Variants in LPAR3 observed in about 807,000 individuals in gnomAD.
LPAR3 encodes lysophosphatidic acid receptor 3, also known as LPA receptor 3.
Under a neutral mutation model 17.8 loss-of-function variants are expected in LPAR3, and 7 were observed. The ratio of observed to expected loss-of-function variants is 0.39; its 90% CI spans 0.22 to 0.74. LPAR3 has a LOEUF of 0.74. LPAR3 is among the 30% of genes least tolerant of loss of function. The pLI is 0.40. For missense variants in LPAR3, 391 were observed against 453.4 expected (o/e 0.86, Z 1.25); for synonymous variants, 179 against 179.9 (o/e 0.99, Z 0.04).
chr1:84,843,827 C>T (rs541155159), intron 2 of LPAR3, among the ~76,000 whole-genome samples: 2 of 152,344 alleles, frequency 1.3e-5, no homozygotes, highest in Non-Finnish European at 2.9e-5. Flanking sequence ...CTTTCTCAGG[C>T]CTTTTGCATC....
intron 1 of LPAR3, among the ~76,000 whole-genome samples, chr1:84,880,964 GC>G (rs1660353926): frequency 6.6e-6 from 1 of 152,200 alleles, no homozygotes; most frequent in Non-Finnish European, 1.5e-5. Flanking sequence ...AATAATTCCT[GC>G]CCAGCAGGGT....
At chr1:84,866,248 G>A in intron 1 of LPAR3, 110 bp from the exon 2 acceptor site, 1 of 774,738 alleles carries the variant, frequency 1.3e-6, no homozygotes, top group Non-Finnish European at 2.1e-6. Context: ...GGGAGTTGAA[G>A]ACCTGAAGTG....
intron 2 of LPAR3, among the ~76,000 whole-genome samples, chr1:84,843,401 C>G (rs1262249755): frequency 6.6e-6 from 1 of 152,190 alleles, no homozygotes; most frequent in Non-Finnish European, 1.5e-5. Context: ...GTGATTTCTT[C>G]TCTCCAATGG....
At chr1:84,869,512 C>A (rs1042167157) in intron 1 of LPAR3, among the ~76,000 whole-genome samples, 3 of 151,832 alleles carry the variant, frequency 2.0e-5, no homozygotes, top group African/African-American at 4.8e-5. Flanking sequence ...TATGAAGTTG[C>A]GGTAATACAA....
intron 2 of LPAR3, among the ~76,000 whole-genome samples, chr1:84,853,835 G>A (rs1445214893): frequency 2.0e-5 from 3 of 152,156 alleles, no homozygotes; most frequent in East Asian, 1.9e-4. Context: ...TCCTACATGG[G>A]CTCTTTCTTG....
At chr1:84,872,006 A>G (rs963916533) in intron 1 of LPAR3, among the ~76,000 whole-genome samples, 3 of 152,116 alleles carry the variant, frequency 2.0e-5, no homozygotes, top group African/African-American at 7.2e-5. Flanking sequence ...GCTACGGTCT[A>G]TCTCCCCAAC....
At chr1:84,868,267 G>GC (rs1300252993) in intron 1 of LPAR3, among the ~76,000 whole-genome samples, 1 of 152,112 alleles carries the variant, frequency 6.6e-6, no homozygotes, top group Non-Finnish European at 1.5e-5. Context: ...ATGCCAGCAC[G>GC]CCCGGCTAAT....
intron 2 of LPAR3, among the ~76,000 whole-genome samples, chr1:84,839,013 G>C (rs1659454441): frequency 6.6e-6 from 1 of 152,168 alleles, no homozygotes; most frequent in Non-Finnish European, 1.5e-5. Flanking sequence ...TCTGTTTCAT[G>C]AAAATGGTAA....
chr1:84,846,340 T>C (rs2102756687), intron 2 of LPAR3, among the ~76,000 whole-genome samples: 1 of 152,308 alleles, frequency 6.6e-6, no homozygotes, highest in Admixed American at 6.5e-5. Context: ...CAAAACACAA[T>C]ATTGCAGAAC....
chr1:84,865,501 A>G lies in LPAR3; in HGVS notation c.620T>C (p.Leu207Pro). ...MAFLIMVVVY[L>P]RIYVYVKRKT... ...CCTCTTGACGTACACGTAGATCCGC[A>G]GGTACACCACAACCATGATGAGGAA... The change falls in exon 2 of 3, where the codon CTG (leucine) becomes CCG (proline). Residue 207 changes from leucine (L) to proline (P), a missense_variant. Leu to Pro is a moderately conservative substitution (Grantham distance 98). Transcript: ENST00000370611. 1 of 1,614,210 alleles carries G rather than the reference A, an allele frequency of 6.2e-7. No homozygotes were observed. Among genetic ancestry groups the G allele is most frequent in the Non-Finnish European group, 8.5e-7 (1 of 1,180,046 alleles).
chr1:84,817,196 G>GT (rs1553146244), intron 2 of LPAR3, among the ~76,000 whole-genome samples: 1 of 150,342 alleles, frequency 6.7e-6, no homozygotes, highest in African/African-American at 2.5e-5. Flanking sequence ...ATTCCTTTTA[G>GT]TTTTTTTCTT....
intron 2 of LPAR3, among the ~76,000 whole-genome samples, chr1:84,862,196 T>C (rs547165782): frequency 2.0e-4 from 31 of 152,306 alleles, no homozygotes; most frequent in African/African-American, 7.5e-4. Context: ...AATACCAAAG[T>C]TCATTCTTTA....
intron 1 of LPAR3, among the ~76,000 whole-genome samples, chr1:84,875,883 C>T (rs1021655348): frequency 2.6e-5 from 4 of 152,136 alleles, no homozygotes; most frequent in Admixed American, 2.6e-4. Context: ...ATGGTTTGTT[C>T]CAAATAATCC....
At chr1:84,835,581 G>C (rs1659386888) in intron 2 of LPAR3, among the ~76,000 whole-genome samples, 1 of 152,082 alleles carries the variant, frequency 6.6e-6, no homozygotes, top group African/African-American at 2.4e-5. Flanking sequence ...TTTAGATCTG[G>C]AACCTCCTAC....
chr1:84,874,477 G>A (rs1440142452), intron 1 of LPAR3, among the ~76,000 whole-genome samples: 1 of 152,172 alleles, frequency 6.6e-6, no homozygotes, highest in African/African-American at 2.4e-5. Flanking sequence ...TAGAATCAAA[G>A]ATATTGTTCC....
In LPAR3 at chr1:84,831,831, C is replaced by CATATAT. The variant is rs60387583; in HGVS notation, c.737-17666_737-17661dup. Among the ~76,000 whole-genome samples the CATATAT allele has an allele frequency of 7.3e-3, 1,064 of 146,748 alleles. 7 individuals are homozygous for CATATAT. The highest frequency in any genetic ancestry group is 0.013 in the South Asian group (61 of 4,688). The stretch of plus-strand genomic sequence containing the variant: ...AACAGTTTCTTTGGGTAAACTGTAT[C>CATATAT]ATATATATATATATAATATACATAT... On this transcript the variant is annotated intron_variant, in intron 2 of 2. Coordinates refer to ENST00000370611, the MANE Select transcript of LPAR3 (RefSeq NM_012152.3).
chr1:84,814,098 G>T lies in LPAR3; in HGVS notation c.810C>A (p.Gly270=). 1.2e-6 allele frequency: 2 copies of T among 1,614,140 alleles called. No homozygotes were observed. Among genetic ancestry groups the T allele is most frequent in the Non-Finnish European group, 1.7e-6 (2 of 1,180,044 alleles). The change falls in exon 3 of 3, where the codon GGC becomes GGA. Residue 270 remains glycine (G), a synonymous_variant. Transcript: ENST00000370611. ...LLDGLNCRQC[G]VQHVKRWFLL... ...GGAACCACCTTTTCACATGCTGCACGCCACACTGCCTGCAGTTCAGGCCGT... is the reference window on the plus strand; with the variant it reads ...GGAACCACCTTTTCACATGCTGCACTCCACACTGCCTGCAGTTCAGGCCGT...
At chr1:84,892,740 C>T (rs1660576017) in intron 1 of LPAR3, among the ~76,000 whole-genome samples, 2 of 152,256 alleles carry the variant, frequency 1.3e-5, no homozygotes, top group African/African-American at 4.8e-5. Context: ...GCCCGCCAGC[C>T]CTCAGCAGCG....
At chr1:84,837,243 G>A (rs998620728) in intron 2 of LPAR3, among the ~76,000 whole-genome samples, 1 of 152,078 alleles carries the variant, frequency 6.6e-6, no homozygotes, top group African/African-American at 2.4e-5. Context: ...GGGTGGTCTC[G>A]ATCTCCCAAC....
Sources: allele counts gnomAD v4.1 joint callset (sites outside exome capture counted in the v4.1 genomes callset), GRCh38; gene constraint gnomAD v4.1.1; transcripts MANE v1.5; gene names NCBI Gene and HGNC (gene_info 2026-07-23, HGNC 2026-07-21).